The following ZNF205 variants were observed in gnomAD, a reference collection of about 807,000 sequenced individuals.
ZNF205 encodes the protein transcriptional repressor RHIT.
ZNF205 carries 32 observed loss-of-function variants against 53.6 expected under a neutral mutation model. That is an observed-to-expected ratio of 0.60 (90% CI 0.45 to 0.80). The LOEUF is 0.80. Ranked by LOEUF, ZNF205 falls within the 30% of genes least tolerant of loss-of-function variation. ZNF205 has a pLI of 0.00. For synonymous variants in ZNF205, 382 were observed against 334.3 expected (o/e 1.14, Z -1.56); for missense variants, 836 against 782.4 (o/e 1.07, Z -0.82).
Position 3,119,546 on chromosome 16 carries a change from G to A in ZNF205, c.886G>A (p.Gly296Ser). 1 of 1,607,540 alleles carries A rather than the reference G, an allele frequency of 6.2e-7. No individual in the cohort carries two copies. Among genetic ancestry groups the A allele is most frequent in the East Asian group, 2.2e-5 (1 of 44,792 alleles). Residue 296 changes from glycine to serine, a missense_variant, in exon 7 of 7, where the codon GGC (glycine) becomes AGC (serine). Transcript: ENST00000219091. ...GGGCGCCCCGGAGAGTGGCGAGGAGGGCCTGGCCCCTGACAGTGAGGTGGG... is the reference window on the plus strand; with the variant it reads ...GGGCGCCCCGGAGAGTGGCGAGGAGAGCCTGGCCCCTGACAGTGAGGTGGG... ...EKGAPESGEE[G>S]LAPDSEVGRK... is the part of the protein sequence containing the mutation.
At position 3,119,834 on chromosome 16, in the gene ZNF205, T is replaced by G; in HGVS notation, c.1174T>G (p.Tyr392Asp). The part of the protein sequence containing the change: ...HQRIHTGEKP[Y>D]VCDRCAKRFT... ...GCGCATCCACACCGGAGAGAAGCCC[T>G]ACGTGTGCGACCGCTGCGCCAAGCG... The change falls in exon 7 of 7, where the codon TAC becomes GAC. Residue 392 changes from tyrosine to aspartate, a missense_variant. Tyr to Asp is a radical substitution (Grantham distance 160). Coordinates refer to ENST00000219091, the MANE Select transcript of ZNF205 (RefSeq NM_001042428.2). 6.2e-7 allele frequency: 1 copy of G among 1,613,540 alleles called. No homozygotes were observed. Among genetic ancestry groups the G allele is most frequent in the Non-Finnish European group, 8.5e-7 (1 of 1,179,856 alleles).
intron 2 of ZNF205, among the ~76,000 whole-genome samples, chr16:3,114,572 C>T (rs1327030249): frequency 6.6e-6 from 1 of 152,210 alleles, no homozygotes; most frequent in Admixed American, 6.5e-5. Flanking sequence ...CCCTCCCTGA[C>T]TTTCCCAAAG....
chr16:3,119,152 C>G (rs936432974), intron 6 of ZNF205, 104 bp from the exon 7 acceptor site: 1 of 1,506,278 alleles, frequency 6.6e-7, no homozygotes, highest in Non-Finnish European at 8.9e-7. Flanking sequence ...CTTGCGCTTT[C>G]TGGTCTCTGA....
rs750865328 is a variant in ZNF205 at position 3,119,472 on chromosome 16, C to A, written c.812C>A (p.Thr271Lys). The A allele has an allele frequency of 6.3e-7, 1 of 1,589,556 alleles. No individual in the cohort carries two copies. Among genetic ancestry groups the A allele is most frequent in the Non-Finnish European group, 8.6e-7 (1 of 1,169,030 alleles). Residue 271 changes from threonine to lysine, a missense_variant, in exon 7 of 7, where the codon ACG becomes AAG. Physicochemically the swap from Thr to Lys is moderately conservative, Grantham distance 78. Coordinates refer to ENST00000219091, the MANE Select transcript of ZNF205 (RefSeq NM_001042428.2). ...GCAGCTCCGCCAGACCCCAGTCCCA[C>A]GGAGCCCCAGGAGTACCGCGTCCCG... is the stretch of plus-strand genomic sequence containing the variant. ...PDAAPPDPSP[T>K]EPQEYRVPEK... is the part of the protein sequence containing the mutation.
chr16:3,115,686 C>A, intron 3 of ZNF205, 118 bp downstream of exon 3: 1 of 1,383,734 alleles, frequency 7.2e-7, no homozygotes, highest in Non-Finnish European at 9.7e-7. Context: ...CGCTATCCCC[C>A]CATGGCCCAC....
chr16:3,120,188 G>A lies in ZNF205; in HGVS notation c.1528G>A (p.Gly510Ser), dbSNP rs759413124. 27 of 1,612,734 alleles carry A rather than the reference G, an allele frequency of 1.7e-5. No homozygotes were observed. The East Asian group carries it at 5.3e-4, about 32-fold the overall frequency. ...GCGGCCCTACGCCTGCCCGTTGTGC[G>A]GCAAGAGCTTCAGCCGGCGCTCCAA... is the stretch of plus-strand genomic sequence containing the variant. The part of the protein sequence containing the change: ...GVRPYACPLC[G>S]KSFSRRSNLH... The change falls in exon 7 of 7, where the codon GGC becomes AGC. Residue 510 changes from glycine to serine, a missense_variant. Physicochemically the swap from Gly to Ser is moderately conservative, Grantham distance 56. Transcript: ENST00000219091.
intron 5 of ZNF205, 150 bp downstream of exon 5, chr16:3,116,697 A>C: frequency 1.6e-6 from 2 of 1,255,612 alleles, no homozygotes; most frequent in Non-Finnish European, 2.2e-6. Context: ...TAATGATGGA[A>C]ATGTTCTGTG....
intron 1 of ZNF205, 27 bp from the exon 2 acceptor site, chr16:3,113,390 G>A: frequency 6.2e-7 from 1 of 1,609,364 alleles, no homozygotes; most frequent in Non-Finnish European, 8.5e-7. Flanking sequence ...CAAAAAGAGG[G>A]AGAAACAACT....
At chr16:3,119,154 G>A (rs1227345184) in intron 6 of ZNF205, 102 bp from the exon 7 acceptor site, 22 of 1,504,582 alleles carry the variant, frequency 1.5e-5, no homozygotes, top group Non-Finnish European at 1.9e-5. Context: ...TGCGCTTTCT[G>A]GTCTCTGAGA....
intron 2 of ZNF205, 89 bp from the exon 3 acceptor site, chr16:3,115,266 T>C: frequency 9.5e-7 from 1 of 1,048,996 alleles, no homozygotes; most frequent in Non-Finnish European, 1.3e-6. Context: ...GTCTTGCATG[T>C]TGGTTTCCGA....
In ZNF205 at chr16:3,119,455, G is replaced by A. The variant is rs372724337; in HGVS notation, c.795G>A (p.Pro265=). 3.1e-6 allele frequency: 5 copies of A among 1,590,904 alleles called. No individual in the cohort carries two copies. The African/African-American group carries it at 4.0e-5, about 13-fold the overall frequency. The change falls in exon 7 of 7, where the codon CCG becomes CCA. Residue 265 remains proline (P), a synonymous_variant. Coordinates refer to ENST00000219091, the MANE Select transcript of ZNF205 (RefSeq NM_001042428.2). ...AEPDRTPDAA[P]PDPSPTEPQE... ...CAGATCGCACCCCGGATGCAGCTCC[G>A]CCAGACCCCAGTCCCACGGAGCCCC...
At chr16:3,112,795 G>C (rs1318267700) in intron 1 of ZNF205, 113 bp downstream of exon 1, 9 of 202,182 alleles carry the variant, frequency 4.5e-5, no homozygotes, top group African/African-American at 2.1e-4. Flanking sequence ...AGGAGAGAAG[G>C]GGGCCAGGAC....
intron 1 of ZNF205, among the ~76,000 whole-genome samples, chr16:3,113,144 T>C (rs1278213913): frequency 6.6e-6 from 1 of 152,194 alleles, no homozygotes; most frequent in Non-Finnish European, 1.5e-5. Context: ...TGCGAGGCTC[T>C]TGCTTCAGCA....
rs1957338787 is a variant in ZNF205 at position 3,115,872 on chromosome 16, G to A, written c.315G>A (p.Arg105=). 6.2e-7 allele frequency: 1 copy of A among 1,614,028 alleles called. No homozygotes were observed. The highest frequency in any genetic ancestry group is 1.1e-5 in the South Asian group (1 of 91,070). ...PRIPVLSREG[R]TRDRQMAAAL... is the part of the protein sequence containing the mutation. ...TCCCCGTGCTTTCCCGAGAGGGGAG[G>A]ACCAGAGACCGGCAGATGGCTGCAG... The change falls in exon 4 of 7, where the codon AGG becomes AGA. Residue 105 remains arginine (R), a synonymous_variant. Transcript: ENST00000219091.
chr16:3,115,749 G>C (rs1022638642), intron 3 of ZNF205, 80 bp from the exon 4 acceptor site: 4 of 1,478,266 alleles, frequency 2.7e-6, no homozygotes, highest in Non-Finnish European at 3.7e-6. Context: ...TCGGGCCAGG[G>C]GTGGAGTTTG....
chr16:3,118,963 G>C lies in ZNF205; in HGVS notation c.543G>C (p.Ser181=). Residue 181 remains serine, a synonymous_variant, in exon 6 of 7, where the codon TCG becomes TCC. Transcript: ENST00000219091. The part of the protein sequence containing the change: ...APQAHGKGEA[S]GSSRQAGDEK... Reference sequence around the variant, plus strand: ...AAGCGCACGGCAAGGGTGAGGCCTCGGGCTCCAGCCGGCAGGCAGGAGATG... The same window carrying C: ...AAGCGCACGGCAAGGGTGAGGCCTCCGGCTCCAGCCGGCAGGCAGGAGATG... 6.2e-7 allele frequency: 1 copy of C among 1,613,664 alleles called. No individual in the cohort carries two copies. The highest frequency in any genetic ancestry group is 8.5e-7 in the Non-Finnish European group (1 of 1,179,982).
chr16:3,115,505 G>T lies in ZNF205; in HGVS notation c.208G>T (p.Ala70Ser). 1 of 1,604,276 alleles carries T rather than the reference G, an allele frequency of 6.2e-7. No homozygotes were observed. Among genetic ancestry groups the T allele is most frequent in the African/African-American group, 1.3e-5 (1 of 74,346 alleles). ...GASQEDGAQG[A>S]WGWAPLSHGS... ...ATCGCAGGAGGATGGGGCTCAAGGTGCCTGGGGCTGGGCACCCCTAAGTCA... is the reference window on the plus strand; with the variant it reads ...ATCGCAGGAGGATGGGGCTCAAGGTTCCTGGGGCTGGGCACCCCTAAGTCA... Residue 70 changes from alanine to serine, a missense_variant, in exon 3 of 7, where the codon GCC becomes TCC. Physicochemically the swap from Ala to Ser is moderately conservative, Grantham distance 99 (BLOSUM62 1). Transcript: ENST00000219091.
intron 6 of ZNF205, 115 bp from the exon 7 acceptor site, chr16:3,119,141 C>A: frequency 1.3e-6 from 2 of 1,502,924 alleles, no homozygotes; most frequent in South Asian, 1.3e-5. Flanking sequence ...CCAGGGCGGC[C>A]CTTGCGCTTT....
intron 1 of ZNF205, chr16:3,112,952 T>G (rs1028398428): frequency 4.9e-6 from 1 of 202,826 alleles, no homozygotes; most frequent in African/African-American, 2.4e-5. Flanking sequence ...GGGAGTCAGG[T>G]AGGGACACAC....
Sources: gnomAD v4.1 joint callset for allele counts (sites outside exome capture counted in the v4.1 genomes callset) on GRCh38, gnomAD v4.1.1 for gene constraint, MANE v1.5 for transcripts, NCBI Gene and HGNC (gene_info 2026-07-23, HGNC 2026-07-21) for gene names.